The following NTM variants were observed in gnomAD, a reference collection of about 807,000 sequenced individuals.
NTM encodes the protein neurotrimin.
NTM carries 13 observed loss-of-function variants against 42.1 expected under a neutral mutation model. That is an observed-to-expected ratio of 0.31 (90% CI 0.20 to 0.49). The LOEUF (loss-of-function observed/expected upper bound fraction) is 0.49. Among genes scored for constraint, NTM ranks in the 20% least tolerant of loss-of-function variants. The pLI is 0.99. For missense variants in NTM, 373 were observed against 452.8 expected, an observed-to-expected ratio of 0.82 and a Z score of 1.60; for synonymous variants, 187 against 179.2, an observed-to-expected ratio of 1.04 and a Z score of -0.35.
At chr11:131,954,853 A>G (rs930174408) in intron 2 of NTM, among the ~76,000 whole-genome samples, 1 of 152,180 alleles carries the variant, frequency 6.6e-6, no homozygotes, top group Admixed American at 6.5e-5. Context: ...CATATAACTT[A>G]TGTATATACA....
At chr11:131,955,493 G>A (rs1226198859) in intron 2 of NTM, among the ~76,000 whole-genome samples, 2 of 152,182 alleles carry the variant, frequency 1.3e-5, no homozygotes, top group African/African-American at 2.4e-5. Flanking sequence ...AGTTTAAAAT[G>A]TAAAGGGGAA....
intron 1 of NTM, among the ~76,000 whole-genome samples, chr11:131,867,853 A>G (rs1354798723): frequency 6.6e-6 from 1 of 152,124 alleles, no homozygotes; most frequent in East Asian, 1.9e-4. Context: ...GAACCCCACC[A>G]CCAGCAGATG....
chr11:131,454,532 C>T (rs760046566), intron 1 of NTM, among the ~76,000 whole-genome samples: 10 of 152,288 alleles, frequency 6.6e-5, no homozygotes, highest in South Asian at 2.1e-4. Flanking sequence ...CTGCTTCCTG[C>T]GCTTTACAGA....
chr11:131,798,440 T>A (rs1170969365), intron 1 of NTM, among the ~76,000 whole-genome samples: 2 of 152,206 alleles, frequency 1.3e-5, no homozygotes, highest in Non-Finnish European at 2.9e-5. Flanking sequence ...AAGGACATGG[T>A]AGCAGAGGTG....
intron 1 of NTM, among the ~76,000 whole-genome samples, chr11:131,905,406 TTGTA>T (rs1026660278): frequency 9.9e-5 from 15 of 152,178 alleles, no homozygotes; most frequent in African/African-American, 3.4e-4. Context: ...CATCCTTAGT[TTGTA>T]TGAGCACCGT....
In NTM at chr11:132,333,395, A is replaced by G. The variant is rs180713155; in HGVS notation, c.968-1651A>G. Among the ~76,000 whole-genome samples the G allele has an allele frequency of 2.3e-3, 356 of 152,260 alleles. 4 individuals are homozygous for G. Among genetic ancestry groups the G allele is most frequent in the Middle Eastern group, 0.017 (5 of 294 alleles). On this transcript the variant is annotated intron_variant, in intron 8 of 8. Coordinates refer to ENST00000683400, the MANE Select transcript of NTM (RefSeq NM_001352005.2). ...GCGGAGGCTTCTCTCCTTTGATTCC[A>G]AAGAATGTGCTCTGTAGATGACAGA... is the stretch of plus-strand genomic sequence containing the variant.
At chr11:131,594,825 CAGGG>C (rs1024187219) in intron 1 of NTM, among the ~76,000 whole-genome samples, 27 of 152,258 alleles carry the variant, frequency 1.8e-4, no homozygotes, top group African/African-American at 5.8e-4. Context: ...GAGAAGTTGA[CAGGG>C]AGGACAGGAG....
At chr11:131,527,175 G>A (rs889928748) in intron 1 of NTM, among the ~76,000 whole-genome samples, 1 of 152,172 alleles carries the variant, frequency 6.6e-6, no homozygotes, top group Non-Finnish European at 1.5e-5. Flanking sequence ...AGCTATTCTC[G>A]TCGTATGTGC....
At chr11:132,194,295 A>T (rs1203414412) in intron 3 of NTM, among the ~76,000 whole-genome samples, 1 of 152,200 alleles carries the variant, frequency 6.6e-6, no homozygotes, top group Non-Finnish European at 1.5e-5. Flanking sequence ...TATTCCTGGG[A>T]TGCAAGGGTG....
At chr11:132,153,964 A>G (rs894985917) in intron 3 of NTM, among the ~76,000 whole-genome samples, 1 of 152,222 alleles carries the variant, frequency 6.6e-6, no homozygotes. Flanking sequence ...AGGGTCTTCA[A>G]TGGGCAGTAG....
chr11:131,979,437 A>G lies in NTM; in HGVS notation c.167+67789A>G, dbSNP rs536642023. Among the ~76,000 whole-genome samples the G allele has an allele frequency of 2.0e-4, 30 of 152,344 alleles. No individual in the cohort carries two copies. The South Asian group carries it at 4.8e-3, about 24-fold the overall frequency. On this transcript the variant is annotated intron_variant, in intron 2 of 8. Transcript: ENST00000683400. ...TAGTTTACATTCGCAACATTTAGTG[A>G]TGATTTAAGATGCTTTGCTATGTTG...
chr11:132,287,884 G>T (rs2094309402), intron 4 of NTM, among the ~76,000 whole-genome samples: 1 of 152,142 alleles, frequency 6.6e-6, no homozygotes, highest in South Asian at 2.1e-4. Context: ...AGTGTGCTGA[G>T]GATTTGTTTG....
intron 1 of NTM, among the ~76,000 whole-genome samples, chr11:131,904,846 G>A (rs917985332): frequency 6.6e-6 from 1 of 152,194 alleles, no homozygotes; most frequent in African/African-American, 2.4e-5. Context: ...ACAGTGGGGT[G>A]GGAGCTGGGG....
At chr11:131,510,208 C>A (rs1439481077) in intron 1 of NTM, among the ~76,000 whole-genome samples, 2 of 152,220 alleles carry the variant, frequency 1.3e-5, no homozygotes, top group African/African-American at 4.8e-5. Flanking sequence ...GAGCCCTACA[C>A]TGTGTGGTTC....
chr11:131,449,180 G>T (rs7104161), intron 1 of NTM, among the ~76,000 whole-genome samples: 1 of 152,136 alleles, frequency 6.6e-6, no homozygotes, highest in Non-Finnish European at 1.5e-5. Flanking sequence ...CACGGACACC[G>T]TGGCTGGTAA....
At position 131,821,757 on chromosome 11, in the gene NTM, CTCTT is replaced by C. The variant is rs142979069; in HGVS notation, c.83-89805_83-89802del. Among the ~76,000 whole-genome samples, 7 of 152,280 alleles carry C rather than the reference CTCTT, an allele frequency of 4.6e-5. No individual in the cohort carries two copies. The East Asian group carries it at 5.8e-4, about 13-fold the overall frequency. ...GGGGAGAACCATGCCCCCACTGACT[CTCTT>C]TGTTTGGATTCCAAATACTAGGGTT... On this transcript the variant is annotated intron_variant, in intron 1 of 8. Transcript: ENST00000683400.
chr11:132,123,437 C>T (rs551048352), intron 2 of NTM, among the ~76,000 whole-genome samples: 2 of 152,248 alleles, frequency 1.3e-5, no homozygotes, highest in African/African-American at 4.8e-5. Context: ...ACTAGGAGAC[C>T]AACAATTAAT....
chr11:132,199,238 G>A (rs2080785725), intron 3 of NTM, among the ~76,000 whole-genome samples: 1 of 152,240 alleles, frequency 6.6e-6, no homozygotes, highest in Non-Finnish European at 1.5e-5. Context: ...AGGTAGGGAT[G>A]TTTGGTGACT....
chr11:132,289,751 C>T (rs184500430), intron 4 of NTM, among the ~76,000 whole-genome samples: 82 of 152,294 alleles, frequency 5.4e-4, no homozygotes, highest in Non-Finnish European at 1.1e-3. Flanking sequence ...GTCTTTGTGG[C>T]CACTGCTGCT....
Sources: gnomAD v4.1 joint callset for allele counts (sites outside exome capture counted in the v4.1 genomes callset) on GRCh38, gnomAD v4.1.1 for gene constraint, MANE v1.5 for transcripts, NCBI Gene and HGNC (gene_info 2026-07-23, HGNC 2026-07-21) for gene names.